Variants in CMC2 observed in about 807,000 individuals in gnomAD.
The protein encoded by CMC2 is C-X9-C motif containing 2.
A neutral mutation model predicts 7.5 loss-of-function variants in CMC2; 5 were observed. The observed-to-expected ratio is 0.66, with a 90% CI of 0.35 to 1.40. CMC2 has a LOEUF of 1.40. Ranked by LOEUF, CMC2 falls within the 40% of genes most tolerant of loss-of-function variation. CMC2 has a pLI of 0.04. For synonymous variants in CMC2, 37 were observed against 31.4 expected (o/e 1.18, Z -0.60); for missense variants, 115 against 92.3 (o/e 1.25, Z -1.01).
At chr16:80,979,103 C>T (rs1966906013) in intron 3 of CMC2, among the ~76,000 whole-genome samples, 1 of 151,762 alleles carries the variant, frequency 6.6e-6, no homozygotes, top group Admixed American at 6.6e-5. Flanking sequence ...AATAAAAAAG[C>T]TTCATGGAAT....
At position 80,966,750 on chromosome 16, in the gene CMC2, G is replaced by C. The variant is rs545624627; in HGVS notation, c.*9343C>G. 1 of 151,970 alleles carries C rather than the reference G, an allele frequency of 6.6e-6. No individual in the cohort carries two copies. The highest frequency in any genetic ancestry group is 1.5e-5 in the Non-Finnish European group (1 of 67,992). 9.4% of individuals were successfully genotyped at this position (151,970 alleles called of 1,614,324 possible). A position where few individuals can be genotyped will look rare whatever the true frequency, so the allele number is the denominator to read the frequency against. On this transcript the variant is annotated 3_prime_UTR_variant, in exon 4 of 4. Transcript: ENST00000219400. ...TATAAAATCAACTTGACATGTACTC[G>C]AGTTATTTGTTTCAGCTTGTTTTCA...
rs184205361 is a variant in CMC2 at position 80,994,937 on chromosome 16, G to A, written c.81+2377C>T. 3.3e-3 allele frequency among the ~76,000 whole-genome samples: 503 copies of A among 152,236 alleles called. 3 individuals carry two copies. The highest frequency in any genetic ancestry group is 0.012 in the African/African-American group (486 of 41,530). On this transcript the variant is annotated intron_variant, in intron 2 of 3. Transcript: ENST00000219400. ...ATGGCAGGTGGATCACCTGAGATCA[G>A]GAGTTCGAGACCAGCCTGACCAACA... is the stretch of plus-strand genomic sequence containing the variant.
At chr16:81,005,343 T>C (rs1322682999) in intron 1 of CMC2, among the ~76,000 whole-genome samples, 2 of 151,808 alleles carry the variant, frequency 1.3e-5, no homozygotes, top group African/African-American at 4.8e-5. Flanking sequence ...ACTCGGGAGG[T>C]GGAGGTTGCA....
intron 1 of CMC2, among the ~76,000 whole-genome samples, chr16:81,002,133 C>T (rs1252793562): frequency 3.3e-5 from 5 of 152,128 alleles, no homozygotes; most frequent in African/African-American, 1.2e-4. Context: ...AGAAAACATA[C>T]ACTGGTATAG....
chr16:80,975,881 G>A lies in CMC2; in HGVS notation c.*212C>T. The A allele has an allele frequency of 2.2e-6, 1 of 453,522 alleles. No individual in the cohort carries two copies. Among genetic ancestry groups the A allele is most frequent in the Non-Finnish European group, 3.9e-6 (1 of 256,262 alleles). The allele number at this position is 453,522 out of a possible 1,614,324, so 28.1% of individuals were successfully genotyped here. A position where few individuals can be genotyped will look rare whatever the true frequency, so the allele number is the denominator to read the frequency against. ...AGGCAAAGGGAATAAACATGGTGAAGTCAGGTTTGCTGGTAAAGGGGAGAC... is the reference window on the plus strand; with the variant it reads ...AGGCAAAGGGAATAAACATGGTGAAATCAGGTTTGCTGGTAAAGGGGAGAC... On this transcript the variant is annotated 3_prime_UTR_variant, in exon 4 of 4. Coordinates refer to ENST00000219400, the MANE Select transcript of CMC2 (RefSeq NM_020188.5).
intron 2 of CMC2, among the ~76,000 whole-genome samples, chr16:80,984,698 T>G (rs1967387417): frequency 6.6e-6 from 1 of 152,214 alleles, no homozygotes; most frequent in Non-Finnish European, 1.5e-5. Flanking sequence ...TGCCTTCAAG[T>G]CAAGTAGACT....
At chr16:80,997,625 G>A (rs937467241) in intron 1 of CMC2, 196 bp from the exon 2 acceptor site, 5 of 383,096 alleles carry the variant, frequency 1.3e-5, no homozygotes, top group African/African-American at 8.3e-5. Flanking sequence ...CAAGTTATCA[G>A]TAGTATTTAG....
At position 80,966,752 on chromosome 16, in the gene CMC2, GTTAT is replaced by G. The variant is rs1416996907; in HGVS notation, c.*9337_*9340del. The G allele has an allele frequency of 5.3e-5, 8 of 152,048 alleles. No individual in the cohort carries two copies. Among genetic ancestry groups the G allele is most frequent in the Admixed American group, 5.2e-4 (8 of 15,256 alleles). 9.4% of individuals were successfully genotyped at this position (152,048 alleles called of 1,614,324 possible). A position where few individuals can be genotyped will look rare whatever the true frequency, so the allele number is the denominator to read the frequency against. ...TAAAATCAACTTGACATGTACTCGA[GTTAT>G]TTGTTTCAGCTTGTTTTCAAGTTTT... On this transcript the variant is annotated 3_prime_UTR_variant, in exon 4 of 4. Coordinates refer to ENST00000219400, the MANE Select transcript of CMC2 (RefSeq NM_020188.5).
chr16:80,976,793 T>C (rs193175019), intron 3 of CMC2, among the ~76,000 whole-genome samples: 1 of 152,344 alleles, frequency 6.6e-6, no homozygotes, highest in East Asian at 1.9e-4. Context: ...TCTGCTATAA[T>C]TTTCAAACAT....
At chr16:80,995,806 C>T (rs1271592438) in intron 2 of CMC2, among the ~76,000 whole-genome samples, 2 of 152,140 alleles carry the variant, frequency 1.3e-5, no homozygotes, top group South Asian at 2.1e-4. Flanking sequence ...GCACAGGAAA[C>T]TGATAGAAAT....
intron 1 of CMC2, among the ~76,000 whole-genome samples, chr16:81,003,717 A>G (rs1484459326): frequency 6.6e-6 from 1 of 152,218 alleles, no homozygotes; most frequent in Non-Finnish European, 1.5e-5. Flanking sequence ...TTCTAGGCCC[A>G]AGTTCCAAAG....
chr16:80,999,538 AT>A (rs370073336), intron 1 of CMC2, among the ~76,000 whole-genome samples: 8,231 of 152,266 alleles, frequency 0.054, 321 homozygotes, highest in Non-Finnish European at 0.082. Flanking sequence ...TACCAATGGC[AT>A]TTTTTCACAC....
chr16:81,001,922 G>A (rs990051120), intron 1 of CMC2, among the ~76,000 whole-genome samples: 1 of 151,916 alleles, frequency 6.6e-6, no homozygotes, highest in Non-Finnish European at 1.5e-5. Flanking sequence ...CATTTGAAAC[G>A]AAAAAAGAAA....
chr16:80,966,531 G>C lies in CMC2; in HGVS notation c.*9562C>G, dbSNP rs1911564072. The C allele has an allele frequency of 6.6e-6, 1 of 151,924 alleles. No individual in the cohort carries two copies. Among genetic ancestry groups the C allele is most frequent in the African/African-American group, 2.4e-5 (1 of 41,282 alleles). 9.4% of individuals were successfully genotyped at this position (151,924 alleles called of 1,614,324 possible). A position where few individuals can be genotyped will look rare whatever the true frequency, so the allele number is the denominator to read the frequency against. On this transcript the variant is annotated 3_prime_UTR_variant, in exon 4 of 4. Transcript: ENST00000219400. ...GTTTTGGTCTTAGGTTGAAAATCTT[G>C]GTTTCTACTGACACTAACATCATAA...
At chr16:80,992,327 C>A (rs1291560803) in intron 2 of CMC2, among the ~76,000 whole-genome samples, 2 of 152,178 alleles carry the variant, frequency 1.3e-5, no homozygotes, top group Non-Finnish European at 2.9e-5. Context: ...TAACTCTATG[C>A]ATACATTTTT....
Position 80,966,755 on chromosome 16 carries a change from A to G in CMC2, c.*9338T>C, listed in dbSNP as rs1911581343. The G allele has an allele frequency of 6.6e-6, 1 of 152,072 alleles. No homozygotes were observed. The highest frequency in any genetic ancestry group is 2.1e-4 in the South Asian group (1 of 4,820). The allele number at this position is 152,072 out of a possible 1,614,324, so 9.4% of individuals were successfully genotyped here. On this transcript the variant is annotated 3_prime_UTR_variant, in exon 4 of 4. Coordinates refer to ENST00000219400, the MANE Select transcript of CMC2 (RefSeq NM_020188.5). ...AATCAACTTGACATGTACTCGAGTTATTTGTTTCAGCTTGTTTTCAAGTTT... is the reference window on the plus strand; with the variant it reads ...AATCAACTTGACATGTACTCGAGTTGTTTGTTTCAGCTTGTTTTCAAGTTT...
chr16:80,970,592 TAAG>T lies in CMC2; in HGVS notation c.*5498_*5500del, dbSNP rs952357404. The T allele has an allele frequency of 1.3e-5, 2 of 152,160 alleles. No individual in the cohort carries two copies. Among genetic ancestry groups the T allele is most frequent in the African/African-American group, 2.4e-5 (1 of 41,438 alleles). 9.4% of individuals were successfully genotyped at this position (152,160 alleles called of 1,614,324 possible). ...ACTGAATGTTCTAAGTACAATAAAA[TAAG>T]GAAGTATAAACATTGGAAAGAAACA... On this transcript the variant is annotated 3_prime_UTR_variant, in exon 4 of 4. Coordinates refer to ENST00000219400, the MANE Select transcript of CMC2 (RefSeq NM_020188.5).
intron 3 of CMC2, among the ~76,000 whole-genome samples, chr16:80,977,571 T>A (rs1019228689): frequency 1.3e-5 from 2 of 152,148 alleles, no homozygotes; most frequent in African/African-American, 4.8e-5. Flanking sequence ...ACCGAGCTCA[T>A]CAGGGACAAA....
intron 1 of CMC2, among the ~76,000 whole-genome samples, chr16:80,999,125 G>C (rs758472741): frequency 6.6e-6 from 1 of 152,044 alleles, no homozygotes; most frequent in Non-Finnish European, 1.5e-5. Flanking sequence ...AAAGGCATCC[G>C]AATAAGAAAA....
Sources: gnomAD v4.1 joint callset for allele counts (sites outside exome capture counted in the v4.1 genomes callset) on GRCh38, gnomAD v4.1.1 for gene constraint, MANE v1.5 for transcripts, NCBI Gene and HGNC (gene_info 2026-07-23, HGNC 2026-07-21) for gene names.